Variants in FBRSL1 observed in about 807,000 individuals in gnomAD.
The protein encoded by FBRSL1 is fibrosin like 1, also known as fibrosin-1-like protein.
Under a neutral mutation model 89.6 loss-of-function variants are expected in FBRSL1, and 51 were observed. That is an observed-to-expected ratio of 0.57 (90% CI 0.45 to 0.72). FBRSL1 has a LOEUF of 0.72. Ranked by LOEUF, FBRSL1 falls within the 30% of genes least tolerant of loss-of-function variation. The pLI, the probability that FBRSL1 is intolerant of heterozygous loss-of-function variation, is 0.00. For missense variants in FBRSL1, 1,618 were observed against 1,451.8 expected, an observed-to-expected ratio of 1.11 and a Z score of -1.86; for synonymous variants, 779 against 681.1, an observed-to-expected ratio of 1.14 and a Z score of -2.24.
At position 132,573,319 on chromosome 12, in the gene FBRSL1, C is replaced by T. The variant is rs547263603; in HGVS notation, c.1530+697C>T. 1.1e-3 allele frequency among the ~76,000 whole-genome samples: 167 copies of T among 152,314 alleles called. 2 individuals are homozygous for T. The highest frequency in any genetic ancestry group is 1.8e-3 in the Admixed American group (28 of 15,308). ...CATTGCCCACAGCTGCCCTGAAGGGCCCAGCACGCACCCCTGGGCTCCCCT... is the reference window on the plus strand; with the variant it reads ...CATTGCCCACAGCTGCCCTGAAGGGTCCAGCACGCACCCCTGGGCTCCCCT... On this transcript the variant is annotated intron_variant, in intron 11 of 18. Coordinates refer to ENST00000680143, the MANE Select transcript of FBRSL1 (RefSeq NM_001367871.1).
chr12:132,568,463 C>T (rs1462478794), intron 6 of FBRSL1, among the ~76,000 whole-genome samples: 1 of 152,250 alleles, frequency 6.6e-6, no homozygotes. Flanking sequence ...ATGGGACGGG[C>T]CCCGGTAGGA....
At chr12:132,505,072 G>A (rs1593261779) in intron 1 of FBRSL1, among the ~76,000 whole-genome samples, 1 of 152,192 alleles carries the variant, frequency 6.6e-6, no homozygotes, top group East Asian at 1.9e-4. Context: ...GTTGCAGTGA[G>A]CCAAGATTGT....
chr12:132,575,549 T>C (rs1197635941), intron 14 of FBRSL1, among the ~76,000 whole-genome samples: 1 of 152,230 alleles, frequency 6.6e-6, no homozygotes, highest in Non-Finnish European at 1.5e-5. Context: ...GTCTTTATAC[T>C]TGCATGTCTG....
At chr12:132,503,584 C>T (rs2033305848) in intron 1 of FBRSL1, among the ~76,000 whole-genome samples, 1 of 152,218 alleles carries the variant, frequency 6.6e-6, no homozygotes, top group African/African-American at 2.4e-5. Flanking sequence ...GACCCAGTCC[C>T]CACACGGGGC....
intron 2 of FBRSL1, among the ~76,000 whole-genome samples, chr12:132,525,344 G>A (rs918899407): frequency 2.0e-5 from 3 of 152,224 alleles, no homozygotes; most frequent in Non-Finnish European, 2.9e-5. Flanking sequence ...TGGAGGCCCT[G>A]CCTGTGGTCC....
At chr12:132,571,675 G>A (rs374120865) in intron 9 of FBRSL1, among the ~76,000 whole-genome samples, 2 of 152,058 alleles carry the variant, frequency 1.3e-5, no homozygotes, top group South Asian at 2.1e-4. Context: ...GGTCCCCAAC[G>A]TGCCTTCTGG....
chr12:132,525,462 C>G (rs1593341984), intron 2 of FBRSL1, among the ~76,000 whole-genome samples: 1 of 152,168 alleles, frequency 6.6e-6, no homozygotes, highest in African/African-American at 2.4e-5. Flanking sequence ...TAGGTCCTCC[C>G]CGTCCTGGTA....
At position 132,576,932 on chromosome 12, in the gene FBRSL1, G is replaced by A; in HGVS notation, c.1834+1G>A. 6.5e-7 allele frequency: 1 copy of A among 1,548,498 alleles called. No homozygotes were observed. The highest frequency in any genetic ancestry group is 8.7e-7 in the Non-Finnish European group (1 of 1,145,612). On this transcript the variant is annotated splice_donor_variant, in intron 15 of 18. Coordinates refer to ENST00000680143, the MANE Select transcript of FBRSL1 (RefSeq NM_001367871.1). LOFTEE classifies it high-confidence loss of function. ...GCCCGGCCCCTCTTCCCCAGCACAGGTGAGACTGGAGTCGGGCCAGGTGGG... is the reference window on the plus strand; with the variant it reads ...GCCCGGCCCCTCTTCCCCAGCACAGATGAGACTGGAGTCGGGCCAGGTGGG...
intron 2 of FBRSL1, among the ~76,000 whole-genome samples, chr12:132,513,407 A>T (rs1455199428): frequency 6.6e-6 from 1 of 151,792 alleles, no homozygotes; most frequent in Non-Finnish European, 1.5e-5. Context: ...AAGGTTGAGG[A>T]TGGAGGTGTC....
chr12:132,533,749 G>T (rs560890066), intron 4 of FBRSL1, among the ~76,000 whole-genome samples: 2 of 152,376 alleles, frequency 1.3e-5, no homozygotes, highest in African/African-American at 4.8e-5. Context: ...TCTGGGCTGG[G>T]CTCCATGCCA....
At position 132,582,142 on chromosome 12, in the gene FBRSL1, C is replaced by A; in HGVS notation, c.2077C>A (p.Leu693Met). 1 of 1,550,024 alleles carries A rather than the reference C, an allele frequency of 6.5e-7. No individual in the cohort carries two copies. Residue 693 changes from leucine to methionine, a missense_variant, in exon 18 of 19, where the codon CTG becomes ATG. Physicochemically the swap from Leu to Met is conservative, Grantham distance 15. Transcript: ENST00000680143. Reference sequence around the variant, plus strand: ...CAGCCCCCATGAGGCCTGGAACCGACTGCACCGGGCACCGCCCTCCTTCCC... The same window carrying A: ...CAGCCCCCATGAGGCCTGGAACCGAATGCACCGGGCACCGCCCTCCTTCCC... ...LPSPHEAWNRLHRAPPSFPAP... is the reference protein window; with the variant it reads ...LPSPHEAWNRMHRAPPSFPAP...
intron 4 of FBRSL1, among the ~76,000 whole-genome samples, chr12:132,544,542 A>G (rs1164979796): frequency 1.3e-5 from 2 of 152,150 alleles, no homozygotes; most frequent in Non-Finnish European, 2.9e-5. Flanking sequence ...GCAGACAATG[A>G]TGGTGATGAT....
Position 132,490,235 on chromosome 12 carries a change from C to A in FBRSL1, c.-336C>A, listed in dbSNP as rs2136271960. ...CGGCCGCCTCCCGCCTGCCGCCTGC[C>A]GCGCCCGCCCGGCCCCGCCCGCTCG... On this transcript the variant is annotated 5_prime_UTR_variant, in exon 1 of 19. Transcript: ENST00000680143. The A allele has an allele frequency of 1.4e-5, 2 of 145,084 alleles. No individual in the cohort carries two copies. Among genetic ancestry groups the A allele is most frequent in the South Asian group, 1.9e-4 (1 of 5,376 alleles). 9.0% of individuals were successfully genotyped at this position (145,084 alleles called of 1,614,324 possible).
intron 4 of FBRSL1, 81 bp downstream of exon 4, chr12:132,528,069 C>T (rs2035949199): frequency 3.8e-6 from 5 of 1,324,558 alleles, no homozygotes; most frequent in Non-Finnish European, 5.3e-6. Context: ...GTCCGAGGCC[C>T]CACAACTTAG....
intron 2 of FBRSL1, among the ~76,000 whole-genome samples, chr12:132,519,292 C>T (rs1261136091): frequency 6.6e-6 from 1 of 152,240 alleles, no homozygotes. Flanking sequence ...CCTGGAGGAG[C>T]TCTTTACCTA....
chr12:132,565,616 TGA>T (rs985665887), intron 5 of FBRSL1: 34 of 152,200 alleles, frequency 2.2e-4, no homozygotes, highest in African/African-American at 1.4e-4. Context: ...TGTACGTACT[TGA>T]GTTTGTGCCC....
intron 5 of FBRSL1, among the ~76,000 whole-genome samples, chr12:132,560,618 GCCGCGTGTCTGGCCGAGGCTGCT>G (rs2039040589): frequency 6.6e-6 from 1 of 152,128 alleles, no homozygotes; most frequent in South Asian, 2.1e-4. Flanking sequence ...CCCAGGCTGC[GCCGCGTGTCTGGCCGAGGCTGCT>G]CCGCGGGTCG....
In FBRSL1 at chr12:132,574,835, G is replaced by A. The variant is rs374343050; in HGVS notation, c.1701+271G>A. On this transcript the variant is annotated intron_variant, in intron 14 of 18. Transcript: ENST00000680143. Reference sequence around the variant, plus strand: ...GCCACGGGGAGCAGAGCAGGGGCACGGGGTGCCGCACCAGCTCCCCACGTC... The same window carrying A: ...GCCACGGGGAGCAGAGCAGGGGCACAGGGTGCCGCACCAGCTCCCCACGTC... 7.2e-3 allele frequency among the ~76,000 whole-genome samples: 1,097 copies of A among 152,196 alleles called. 18 individuals carry two copies. Among genetic ancestry groups the A allele is most frequent in the African/African-American group, 0.025 (1,018 of 41,528 alleles).
At chr12:132,514,599 G>A (rs1283237624) in intron 2 of FBRSL1, among the ~76,000 whole-genome samples, 1 of 152,140 alleles carries the variant, frequency 6.6e-6, no homozygotes, top group Non-Finnish European at 1.5e-5. Flanking sequence ...GGACTCCGAG[G>A]AAGAAGGGTT....
Sources: allele counts gnomAD v4.1 joint callset (sites outside exome capture counted in the v4.1 genomes callset), GRCh38; gene constraint gnomAD v4.1.1; transcripts MANE v1.5; gene names NCBI Gene and HGNC (gene_info 2026-07-23, HGNC 2026-07-21).